Variants in ARHGAP44 observed in about 807,000 individuals in gnomAD.
ARHGAP44 encodes rho GTPase-activating protein 44.
In ARHGAP44, 43 loss-of-function variants were observed where a neutral mutation model predicts 106.8. That is an observed-to-expected ratio of 0.40 (90% CI 0.32 to 0.52). The LOEUF is 0.52. Among genes scored for constraint, ARHGAP44 ranks in the 20% least tolerant of loss-of-function variants. The probability of loss-of-function intolerance (pLI) is 0.48; values close to 1 mark genes in which losing one functional copy is unlikely to be tolerated. For synonymous variants in ARHGAP44, 439 were observed against 410.3 expected (o/e 1.07, Z -0.85); for missense variants, 866 against 1,050.5 (o/e 0.82, Z 2.43).
intron 1 of ARHGAP44, among the ~76,000 whole-genome samples, chr17:12,791,533 G>C (rs377025427): frequency 6.6e-6 from 1 of 152,188 alleles, no homozygotes; most frequent in African/African-American, 2.4e-5. Flanking sequence ...TGCCGTGCTA[G>C]AATCTAAATG....
intron 3 of ARHGAP44, among the ~76,000 whole-genome samples, chr17:12,901,508 G>A (rs1427975600): frequency 6.6e-6 from 1 of 152,138 alleles, no homozygotes; most frequent in African/African-American, 2.4e-5. Flanking sequence ...TCAGTGAGAT[G>A]CAACGAGGAC....
intron 10 of ARHGAP44, among the ~76,000 whole-genome samples, chr17:12,944,784 C>T (rs550133744): frequency 4.6e-4 from 69 of 150,144 alleles, no homozygotes; most frequent in African/African-American, 1.6e-3. Context: ...CCACTGCGCC[C>T]GACCCTGCTG....
intron 18 of ARHGAP44, 133 bp from the exon 19 acceptor site, chr17:12,979,925 G>T: frequency 1.0e-6 from 1 of 985,032 alleles, no homozygotes. Context: ...TTTAGGAAGG[G>T]GCCAAGACAG....
chr17:12,891,909 C>T (rs574911318), intron 1 of ARHGAP44, among the ~76,000 whole-genome samples: 7 of 152,032 alleles, frequency 4.6e-5, no homozygotes, highest in South Asian at 2.1e-4. Flanking sequence ...GATTCTCCTG[C>T]CTCAGCCTCC....
intron 1 of ARHGAP44, among the ~76,000 whole-genome samples, chr17:12,872,623 A>G (rs1299990633): frequency 6.6e-6 from 1 of 152,202 alleles, no homozygotes; most frequent in Admixed American, 6.5e-5. Flanking sequence ...GTTACTGGTT[A>G]CTGTTGCAGC....
chr17:12,823,865 G>A (rs2034843703), intron 1 of ARHGAP44, among the ~76,000 whole-genome samples: 1 of 152,082 alleles, frequency 6.6e-6, no homozygotes. Flanking sequence ...TGACCCTGTT[G>A]CTCTACCAAA....
chr17:12,973,153 C>A, intron 16 of ARHGAP44, 149 bp from the exon 17 acceptor site: 1 of 771,204 alleles, frequency 1.3e-6, no homozygotes, highest in Non-Finnish European at 2.1e-6. Context: ...GAGAGACCAA[C>A]TAAATTGTAA....
chr17:12,868,037 G>C (rs929931925), intron 1 of ARHGAP44, among the ~76,000 whole-genome samples: 4 of 152,226 alleles, frequency 2.6e-5, no homozygotes, highest in Non-Finnish European at 5.9e-5. Flanking sequence ...TGAAGAATAT[G>C]CTTCTGATGA....
intron 5 of ARHGAP44, among the ~76,000 whole-genome samples, chr17:12,918,438 C>G (rs2037980082): frequency 6.6e-6 from 1 of 152,176 alleles, no homozygotes. Flanking sequence ...TTCTCACATC[C>G]TGCCCTACTT....
At chr17:12,878,974 A>C (rs1005336157) in intron 1 of ARHGAP44, among the ~76,000 whole-genome samples, 2 of 152,124 alleles carry the variant, frequency 1.3e-5, no homozygotes, top group African/African-American at 4.8e-5. Flanking sequence ...TGTATCAGTA[A>C]TTTTATTTTA....
intron 1 of ARHGAP44, among the ~76,000 whole-genome samples, chr17:12,820,911 A>G (rs965397356): frequency 6.6e-6 from 1 of 152,202 alleles, no homozygotes; most frequent in Non-Finnish European, 1.5e-5. Flanking sequence ...TGAAGACCAT[A>G]TCTAAAACCC....
At chr17:12,860,332 G>A (rs2036033427) in intron 1 of ARHGAP44, among the ~76,000 whole-genome samples, 2 of 152,146 alleles carry the variant, frequency 1.3e-5, no homozygotes, top group Non-Finnish European at 2.9e-5. Context: ...TAGCATTTGC[G>A]ATATACCCTC....
intron 1 of ARHGAP44, among the ~76,000 whole-genome samples, chr17:12,829,437 T>A (rs79497567): frequency 0.027 from 4,148 of 152,216 alleles, 174 homozygotes; most frequent in African/African-American, 0.092. Context: ...TCTTTCACTC[T>A]TTTGACCCTT....
intron 16 of ARHGAP44, among the ~76,000 whole-genome samples, chr17:12,960,638 G>A (rs1335498939): frequency 6.6e-6 from 1 of 151,966 alleles, no homozygotes; most frequent in Non-Finnish European, 1.5e-5. Context: ...TTGGCTCACT[G>A]CAACCTCTGC....
intron 1 of ARHGAP44, among the ~76,000 whole-genome samples, chr17:12,885,226 C>T (rs1337677504): frequency 2.0e-5 from 3 of 152,126 alleles, no homozygotes; most frequent in African/African-American, 7.2e-5. Context: ...GTCATATGCA[C>T]CTATTCTCTA....
At chr17:12,857,561 A>G (rs770757303) in intron 1 of ARHGAP44, among the ~76,000 whole-genome samples, 10 of 152,186 alleles carry the variant, frequency 6.6e-5, no homozygotes, top group East Asian at 1.9e-4. Context: ...TCCAATCAAC[A>G]TAATGAATTT....
Position 12,990,237 on chromosome 17 carries a change from A to C in ARHGAP44, c.*66A>C. ...GGGCCCTAGGAACGCCGCCAGGAGC[A>C]GCGTCCATGAGCTTGCCAAGTGTTC... On this transcript the variant is annotated 3_prime_UTR_variant, in exon 21 of 21. Transcript: ENST00000379672. 6.5e-7 allele frequency: 1 copy of C among 1,541,034 alleles called. No homozygotes were observed. The highest frequency in any genetic ancestry group is 1.2e-5 in the South Asian group (1 of 84,404).
At chr17:12,795,190 A>G (rs948749444) in intron 1 of ARHGAP44, among the ~76,000 whole-genome samples, 1 of 152,220 alleles carries the variant, frequency 6.6e-6, no homozygotes, top group Non-Finnish European at 1.5e-5. Context: ...GTCTCAGAGC[A>G]AAGTTTTTCA....
intron 2 of ARHGAP44, among the ~76,000 whole-genome samples, chr17:12,895,232 G>A (rs1482409429): frequency 3.3e-5 from 5 of 152,196 alleles, no homozygotes; most frequent in Non-Finnish European, 1.5e-5. Flanking sequence ...TGCTCCTTAC[G>A]AACTGTTAGG....
Sources: allele counts gnomAD v4.1 joint callset (sites outside exome capture counted in the v4.1 genomes callset), GRCh38; gene constraint gnomAD v4.1.1; transcripts MANE v1.5; gene names NCBI Gene and HGNC (gene_info 2026-07-23, HGNC 2026-07-21).